The following FMN2 variants were observed in gnomAD, a reference collection of about 807,000 sequenced individuals.
FMN2 encodes formin-2.
FMN2 carries 51 observed loss-of-function variants against 142.3 expected under a neutral mutation model. The ratio of observed to expected loss-of-function variants is 0.36; its 90% CI spans 0.29 to 0.45. The LOEUF (loss-of-function observed/expected upper bound fraction) is 0.45, where lower values mean the gene tolerates loss of function less well. Ranked by LOEUF, FMN2 falls within the 20% of genes least tolerant of loss-of-function variation. The pLI is 1.00. For missense variants in FMN2, 1,936 were observed against 2,122.8 expected (o/e 0.91, Z 1.73); for synonymous variants, 882 against 869.8 (o/e 1.01, Z -0.25).
chr1:240,125,651 G>A (rs901292887), intron 2 of FMN2, among the ~76,000 whole-genome samples: 1 of 152,160 alleles, frequency 6.6e-6, no homozygotes, highest in Non-Finnish European at 1.5e-5. Flanking sequence ...GCCCAGAAGT[G>A]AACAGTCTTG....
At chr1:240,213,859 G>A (rs769570317) in intron 6 of FMN2, among the ~76,000 whole-genome samples, 8 of 152,186 alleles carry the variant, frequency 5.3e-5, no homozygotes, top group Non-Finnish European at 1.0e-4. Context: ...TGTTTTTACC[G>A]TCATGGCAGA....
At position 240,207,564 on chromosome 1, in the gene FMN2, G is replaced by A; in HGVS notation, c.2752G>A (p.Ala918Thr). ...LPPPPPPLPG[A>T]GIPPPPPLPG... ...ACCCCCTCCCCCTCCTCTTCCCGGA[G>A]CGGGCATACCTCCTCCGCCGCCTCT... Residue 918 changes from alanine to threonine, a missense_variant, in exon 5 of 18, where the codon GCG becomes ACG. By Grantham distance (58) the Ala-to-Thr change is moderately conservative (BLOSUM62 0). Transcript: ENST00000319653. 2 of 1,605,938 alleles carry A rather than the reference G, an allele frequency of 1.2e-6. No homozygotes were observed. The highest frequency in any genetic ancestry group is 1.7e-6 in the Non-Finnish European group (2 of 1,177,880).
intron 15 of FMN2, among the ~76,000 whole-genome samples, chr1:240,421,229 A>G (rs528849972): frequency 1.3e-5 from 2 of 152,234 alleles, no homozygotes; most frequent in East Asian, 1.9e-4. Context: ...TTTTCCTGCA[A>G]TTGGAAATGT....
intron 16 of FMN2, among the ~76,000 whole-genome samples, chr1:240,439,729 G>A (rs10802869): frequency 0.61 from 93,436 of 152,012 alleles, 28,768 homozygotes; most frequent in Non-Finnish European, 0.64. Context: ...AAAAATAAGC[G>A]TATGCGAATC....
intron 16 of FMN2, among the ~76,000 whole-genome samples, chr1:240,454,070 T>A (rs1676148720): frequency 6.6e-6 from 1 of 152,142 alleles, no homozygotes; most frequent in African/African-American, 2.4e-5. Flanking sequence ...ATAACTTCTC[T>A]ATGAGGGAGT....
rs919034562 is a variant in FMN2, at chr1:240,206,697, C to T, written c.1987-102C>T. ...ACCATCTTTCTGTCAAGGAGTCCTT[C>T]TGGAAGTATGACAACAAACAGATAT... On this transcript the variant is annotated intron_variant, in intron 4 of 17. Transcript: ENST00000319653. 3.7e-6 allele frequency: 5 copies of T among 1,345,890 alleles called. No individual in the cohort carries two copies. The African/African-American group carries it at 7.4e-5, about 20-fold the overall frequency. 83.4% of individuals were successfully genotyped at this position (1,345,890 alleles called of 1,614,324 possible).
At chr1:240,401,242 T>C (rs1673977966) in intron 15 of FMN2, 1 of 152,104 alleles carries the variant, frequency 6.6e-6, no homozygotes, top group Non-Finnish European at 1.5e-5. Context: ...GCTAGGAGTA[T>C]GAATTTAGGC....
chr1:240,213,838 G>A (rs1666784458), intron 6 of FMN2, among the ~76,000 whole-genome samples: 1 of 152,206 alleles, frequency 6.6e-6, no homozygotes, highest in South Asian at 2.1e-4. Context: ...TGTTTAACGA[G>A]GTGCCTGTGC....
intron 16 of FMN2, among the ~76,000 whole-genome samples, chr1:240,445,701 G>GTT (rs1675780991): frequency 5.7e-5 from 4 of 69,880 alleles, no homozygotes; most frequent in Admixed American, 2.0e-4. Context: ...GCCATCAAAG[G>GTT]GTTTTTTTTT....
Position 240,473,319 on chromosome 1 carries a change from T to C in FMN2, c.5143-809T>C, listed in dbSNP as rs1676871646. Among the ~76,000 whole-genome samples the C allele has an allele frequency of 6.6e-6, 1 of 152,198 alleles. No individual in the cohort carries two copies. Among genetic ancestry groups the C allele is most frequent in the Admixed American group, 6.5e-5 (1 of 15,284 alleles). On this transcript the variant is annotated intron_variant, in intron 17 of 17. Coordinates refer to ENST00000319653, the MANE Select transcript of FMN2 (RefSeq NM_020066.5). This position sits in a 1 kb window ranked among gnomAD's most constrained non-coding sequence, Gnocchi z 4.3. ...CCCCGCTTTAAAACAAAATGCCAGG[T>C]TATCCACCCTGGGAGGGAAGGGCTT... is the stretch of plus-strand genomic sequence containing the variant.
intron 8 of FMN2, among the ~76,000 whole-genome samples, chr1:240,328,658 A>G (rs1671277985): frequency 6.6e-6 from 1 of 151,704 alleles, no homozygotes; most frequent in African/African-American, 2.4e-5. Flanking sequence ...GGTGCAATCT[A>G]GGCTCACTGC....
At chr1:240,354,662 T>C (rs1672205779) in intron 13 of FMN2, among the ~76,000 whole-genome samples, 1 of 152,162 alleles carries the variant, frequency 6.6e-6, no homozygotes. Context: ...CTGGGAAGGA[T>C]GTGCACTAAT....
rs183139751 is a variant in FMN2, at chr1:240,312,213, C to A, written c.4216-16863C>A. Reference sequence around the variant, plus strand: ...CCCTCTGCTCTCCAGCCACCCACCCCCTTTTAGTTTCTCAAAACCATGCAG... The same window carrying A: ...CCCTCTGCTCTCCAGCCACCCACCCACTTTTAGTTTCTCAAAACCATGCAG... On this transcript the variant is annotated intron_variant, in intron 8 of 17. Coordinates refer to ENST00000319653, the MANE Select transcript of FMN2 (RefSeq NM_020066.5). Among the ~76,000 whole-genome samples, 345 of 152,220 alleles carry A rather than the reference C, an allele frequency of 2.3e-3. 5 individuals carry two copies. Among genetic ancestry groups the A allele is most frequent in the Admixed American group, 0.02 (305 of 15,284 alleles).
At chr1:240,380,198 A>G (rs1673179150) in intron 14 of FMN2, among the ~76,000 whole-genome samples, 1 of 152,200 alleles carries the variant, frequency 6.6e-6, no homozygotes, top group Admixed American at 6.5e-5. Context: ...TCATCTGTCC[A>G]TGAAACATTT....
chr1:240,218,559 C>T, intron 6 of FMN2, among the ~76,000 whole-genome samples: 1 of 91,828 alleles, frequency 1.1e-5, no homozygotes, highest in East Asian at 2.4e-4. Flanking sequence ...CCCATCTCAT[C>T]TCTAAAAAAA....
At chr1:240,460,200 ACTT>A (rs1429722639) in intron 16 of FMN2, among the ~76,000 whole-genome samples, 6 of 152,280 alleles carry the variant, frequency 3.9e-5, no homozygotes, top group African/African-American at 1.4e-4. Context: ...ATTCAATAGA[ACTT>A]CTCCTCTGTA....
chr1:240,163,314 A>G (rs984754155), intron 2 of FMN2, among the ~76,000 whole-genome samples: 2 of 152,306 alleles, frequency 1.3e-5, no homozygotes, highest in South Asian at 2.1e-4. Context: ...AGTTATTGCT[A>G]CTATGTTTGT....
intron 14 of FMN2, among the ~76,000 whole-genome samples, chr1:240,388,008 T>C (rs898012853): frequency 6.6e-6 from 1 of 151,616 alleles, no homozygotes; most frequent in Non-Finnish European, 1.5e-5. Flanking sequence ...AAACCCCGTT[T>C]CTACTAAAAA....
At chr1:240,344,151 G>A (rs895154499) in intron 13 of FMN2, among the ~76,000 whole-genome samples, 2 of 152,224 alleles carry the variant, frequency 1.3e-5, no homozygotes, top group African/African-American at 4.8e-5. Flanking sequence ...GGCAAGAGGA[G>A]AATTTGTGAG....
Sources: allele counts gnomAD v4.1 joint callset (sites outside exome capture counted in the v4.1 genomes callset), GRCh38; gene constraint gnomAD v4.1.1; non-coding constraint Gnocchi (gnomAD v3.1); transcripts MANE v1.5; gene names NCBI Gene and HGNC (gene_info 2026-07-23, HGNC 2026-07-21).